The following SLCO3A1 variants were observed in gnomAD, a reference collection of about 807,000 sequenced individuals.
SLCO3A1 encodes PGE1 transporter.
Under a neutral mutation model 63.1 loss-of-function variants are expected in SLCO3A1, and 27 were observed. The observed-to-expected ratio is 0.43, with a 90% CI of 0.32 to 0.59. The LOEUF is 0.59. Among genes scored for constraint, SLCO3A1 ranks in the 20% least tolerant of loss-of-function variants. SLCO3A1 has a pLI of 0.09. For missense variants in SLCO3A1, 773 were observed against 945.8 expected (o/e 0.82, Z 2.40); for synonymous variants, 473 against 409.9 (o/e 1.15, Z -1.86).
intron 2 of SLCO3A1, among the ~76,000 whole-genome samples, chr15:92,036,588 A>T (rs2046730579): frequency 6.6e-6 from 1 of 151,900 alleles, no homozygotes; most frequent in African/African-American, 2.4e-5. Flanking sequence ...TATTTTTTTT[A>T]TCAAAAAAAT....
At chr15:92,074,079 G>A (rs2047247786) in intron 2 of SLCO3A1, among the ~76,000 whole-genome samples, 1 of 152,240 alleles carries the variant, frequency 6.6e-6, no homozygotes, top group South Asian at 2.1e-4. Context: ...GCTGAGGCAG[G>A]AGAATTGCTT....
chr15:91,883,747 G>A lies in SLCO3A1; in HGVS notation c.180+29659G>A, dbSNP rs995867263. Among the ~76,000 whole-genome samples, 5 of 152,198 alleles carry A rather than the reference G, an allele frequency of 3.3e-5. No individual in the cohort carries two copies. Among genetic ancestry groups the A allele is most frequent in the African/African-American group, 9.7e-5 (4 of 41,442 alleles). On this transcript the variant is annotated intron_variant, in intron 1 of 9. Coordinates refer to ENST00000318445, the MANE Select transcript of SLCO3A1 (RefSeq NM_013272.4). The surrounding 1 kb of genome is among the most constrained non-coding windows in gnomAD (Gnocchi z 4.8). ...GTTCCAAGTATTTTTTGAAGTAGAA[G>A]TGTGTTTGTAATATCCTACTTACCG...
rs1238568421 is a variant in SLCO3A1, at chr15:92,163,245, A to G, written c.*110A>G. 3.5e-6 allele frequency: 5 copies of G among 1,413,914 alleles called. No individual in the cohort carries two copies. The East Asian group carries it at 7.8e-5, about 22-fold the overall frequency. 87.6% of individuals were successfully genotyped at this position (1,413,914 alleles called of 1,614,324 possible). A position where few individuals can be genotyped will look rare whatever the true frequency, so the allele number is the denominator to read the frequency against. ...CAAAACTCAGTACACACACACAGGC[A>G]CAGATGCACACACACGCAGACAGAC... On this transcript the variant is annotated 3_prime_UTR_variant, in exon 10 of 10. Coordinates refer to ENST00000318445, the MANE Select transcript of SLCO3A1 (RefSeq NM_013272.4).
intron 1 of SLCO3A1, among the ~76,000 whole-genome samples, chr15:91,893,005 G>A (rs914612184): frequency 6.6e-6 from 1 of 152,216 alleles, no homozygotes; most frequent in African/African-American, 2.4e-5. Flanking sequence ...AATAGGTGCT[G>A]AATAAGGATT....
In SLCO3A1 at chr15:91,950,448, G is replaced by A. The variant is rs1424455847; in HGVS notation, c.646+33990G>A. ...GGGGTCTCTAATCCCCAAGGGTCCCGGTGGGTTATTAGGAAGGGCAGATGA... is the reference window on the plus strand; with the variant it reads ...GGGGTCTCTAATCCCCAAGGGTCCCAGTGGGTTATTAGGAAGGGCAGATGA... On this transcript the variant is annotated intron_variant, in intron 2 of 9. Transcript: ENST00000318445. The surrounding 1 kb of genome is among the most constrained non-coding windows in gnomAD (Gnocchi z 4.4). Among the ~76,000 whole-genome samples the A allele has an allele frequency of 3.3e-5, 5 of 152,210 alleles. No homozygotes were observed. Among genetic ancestry groups the A allele is most frequent in the Admixed American group, 6.5e-5 (1 of 15,290 alleles).
In SLCO3A1 at chr15:92,148,537, AAATTGACACCCAGT is replaced by A. The variant is rs140518742; in HGVS notation, c.1688+1379_1688+1392del. On this transcript the variant is annotated intron_variant, in intron 8 of 9. Transcript: ENST00000318445. ...ACTAAGTTTGAAAAATAAATTTTAA[AAATTGACACCCAGT>A]GCTTGCAAGGCTGTGGCAAAACTGA... Among the ~76,000 whole-genome samples the A allele has an allele frequency of 0.024, 3,693 of 152,292 alleles. 460 individuals carry two copies. The East Asian group carries it at 0.36, about 15-fold the overall frequency.
At position 92,001,827 on chromosome 15, in the gene SLCO3A1, C is replaced by CTTT. The variant is rs59951621; in HGVS notation, c.646+85393_646+85395dup. 1.8e-3 allele frequency among the ~76,000 whole-genome samples: 145 copies of CTTT among 80,126 alleles called. 5 individuals carry two copies. The highest frequency in any genetic ancestry group is 2.9e-3 in the Non-Finnish European group (127 of 43,596). 52.6% of individuals were successfully genotyped at this position (80,126 alleles called of 152,430 possible). On this transcript the variant is annotated intron_variant, in intron 2 of 9. Coordinates refer to ENST00000318445, the MANE Select transcript of SLCO3A1 (RefSeq NM_013272.4). The stretch of plus-strand genomic sequence containing the variant: ...GAAATCCATGGAAGTTGTGTGAGTT[C>CTTT]TTTTTTTTTTTTTTTTTTTTTTTTT...
At chr15:92,116,225 A>G (rs996069932) in intron 4 of SLCO3A1, among the ~76,000 whole-genome samples, 3 of 152,194 alleles carry the variant, frequency 2.0e-5, no homozygotes, top group African/African-American at 7.2e-5. Context: ...CACAAAGGAA[A>G]TGCTCTGTCA....
chr15:92,112,037 A>G (rs906629402), intron 4 of SLCO3A1, among the ~76,000 whole-genome samples: 2 of 152,218 alleles, frequency 1.3e-5, no homozygotes, highest in African/African-American at 4.8e-5. Flanking sequence ...GAAAGTGGAA[A>G]GGCTCACAGG....
intron 2 of SLCO3A1, among the ~76,000 whole-genome samples, chr15:92,022,374 G>A (rs2046520598): frequency 6.6e-6 from 1 of 152,128 alleles, no homozygotes; most frequent in Non-Finnish European, 1.5e-5. Flanking sequence ...ACCTTGTAAG[G>A]ACCAAGGGTA....
intron 7 of SLCO3A1, among the ~76,000 whole-genome samples, chr15:92,135,304 C>A (rs1015148883): frequency 1.2e-4 from 19 of 152,266 alleles, no homozygotes; most frequent in Admixed American, 3.3e-4. Context: ...ATAAAAACCC[C>A]CTTCCTCCCC....
intron 2 of SLCO3A1, among the ~76,000 whole-genome samples, chr15:91,996,099 A>G (rs2046188736): frequency 1.3e-5 from 2 of 152,190 alleles, no homozygotes; most frequent in African/African-American, 2.4e-5. Context: ...AGATAAGATT[A>G]TCAATGTTAA....
At chr15:92,050,288 C>A (rs2046941377) in intron 2 of SLCO3A1, among the ~76,000 whole-genome samples, 1 of 152,190 alleles carries the variant, frequency 6.6e-6, no homozygotes, top group South Asian at 2.1e-4. Context: ...TGAGGAGTCG[C>A]CAGCCACAGA....
Position 92,164,965 on chromosome 15 carries a change from A to AGGTT in SLCO3A1, c.*1832_*1835dup, listed in dbSNP as rs906271461. On this transcript the variant is annotated 3_prime_UTR_variant, in exon 10 of 10. Transcript: ENST00000318445. Reference sequence around the variant, plus strand: ...TCCTGGCGCTGGAAAAAAAACTCAAAGGTTGATTGGTTTGCTTTTTCACCT... The same window carrying AGGTT: ...TCCTGGCGCTGGAAAAAAAACTCAAAGGTTGGTTGATTGGTTTGCTTTTTCACCT... 22 of 931,548 alleles carry AGGTT rather than the reference A, an allele frequency of 2.4e-5. No individual in the cohort carries two copies. The highest frequency in any genetic ancestry group is 2.8e-5 in the Non-Finnish European group (22 of 795,044). 57.7% of individuals were successfully genotyped at this position (931,548 alleles called of 1,614,324 possible).
chr15:92,062,883 C>T (rs1425560332), intron 2 of SLCO3A1, among the ~76,000 whole-genome samples: 1 of 152,196 alleles, frequency 6.6e-6, no homozygotes, highest in Admixed American at 6.5e-5. Context: ...TGAATCAGGG[C>T]CTGCCCGCCT....
chr15:92,016,339 T>G (rs2046437489), intron 2 of SLCO3A1, among the ~76,000 whole-genome samples: 2 of 152,122 alleles, frequency 1.3e-5, no homozygotes, highest in Non-Finnish European at 2.9e-5. Context: ...CAAACATTGT[T>G]TTTTTGGTAG....
chr15:92,109,773 C>T (rs896792227), intron 4 of SLCO3A1, among the ~76,000 whole-genome samples: 1 of 152,018 alleles, frequency 6.6e-6, no homozygotes, highest in Non-Finnish European at 1.5e-5. Flanking sequence ...GCTCTGGCGT[C>T]GACCTCCCAT....
In SLCO3A1 at chr15:92,160,516, A is replaced by G. The variant is rs530231557; in HGVS notation, c.1754-2240A>G. Among the ~76,000 whole-genome samples the G allele has an allele frequency of 2.0e-5, 3 of 152,270 alleles. No individual in the cohort carries two copies. The South Asian group carries it at 6.2e-4, about 32-fold the overall frequency. On this transcript the variant is annotated intron_variant, in intron 9 of 9. Transcript: ENST00000318445. Reference sequence around the variant, plus strand: ...ATATGCGCTTCCATTCGGCAGGACCACAGCCCAACCTGGCAGCTGGAAAGA... The same window carrying G: ...ATATGCGCTTCCATTCGGCAGGACCGCAGCCCAACCTGGCAGCTGGAAAGA...
rs1232174154 is a variant in SLCO3A1 at position 91,968,173 on chromosome 15, C to G, written c.646+51715C>G. On this transcript the variant is annotated intron_variant, in intron 2 of 9. Coordinates refer to ENST00000318445, the MANE Select transcript of SLCO3A1 (RefSeq NM_013272.4). The surrounding 1 kb of genome is among the most constrained non-coding windows in gnomAD (Gnocchi z 4.2). Reference sequence around the variant, plus strand: ...CAGAGGACGTAATCATCCATGCCCACAGAGGAGAGCGTGTGCCCTGAGTTT... The same window carrying G: ...CAGAGGACGTAATCATCCATGCCCAGAGAGGAGAGCGTGTGCCCTGAGTTT... Among the ~76,000 whole-genome samples, 1 of 152,140 alleles carries G rather than the reference C, an allele frequency of 6.6e-6. No individual in the cohort carries two copies. The highest frequency in any genetic ancestry group is 2.4e-5 in the African/African-American group (1 of 41,420).
Sources: gnomAD v4.1 joint callset for allele counts (sites outside exome capture counted in the v4.1 genomes callset) on GRCh38, gnomAD v4.1.1 for gene constraint, Gnocchi (gnomAD v3.1) non-coding constraint, MANE v1.5 for transcripts, NCBI Gene and HGNC (gene_info 2026-07-23, HGNC 2026-07-21) for gene names.